The following TRAPPC9 variants were observed in gnomAD, a reference collection of about 807,000 sequenced individuals.
TRAPPC9 encodes the protein IKK2 binding protein.
TRAPPC9 carries 83 observed loss-of-function variants against 124.0 expected under a neutral mutation model. That is an observed-to-expected ratio of 0.67 (90% confidence interval 0.56 to 0.80). The LOEUF is 0.80. TRAPPC9 is among the 30% of genes least tolerant of loss of function. The pLI is 0.00. For missense variants in TRAPPC9, 1,302 were observed against 1,508.3 expected (o/e 0.86, Z 2.27); for synonymous variants, 638 against 617.5 (o/e 1.03, Z -0.49).
intron 17 of TRAPPC9, among the ~76,000 whole-genome samples, chr8:140,027,973 A>G (rs1840260156): frequency 6.6e-6 from 1 of 152,216 alleles, no homozygotes; most frequent in East Asian, 1.9e-4. Context: ...GATTATGGGG[A>G]TTACAATTCA....
At chr8:139,757,080 A>T (rs550028393) in intron 21 of TRAPPC9, among the ~76,000 whole-genome samples, 360 of 132,202 alleles carry the variant, frequency 2.7e-3, no homozygotes, top group Non-Finnish European at 4.7e-3. Flanking sequence ...AGCAGGTCAC[A>T]GGAGGAGCCA....
intron 18 of TRAPPC9, among the ~76,000 whole-genome samples, chr8:139,997,812 A>AG (rs1838127503): frequency 2.8e-5 from 4 of 143,324 alleles, no homozygotes; most frequent in African/African-American, 1.1e-4. Flanking sequence ...CATCCTACAC[A>AG]GGGAGACAAT....
At chr8:139,925,004 G>A (rs1041377324) in intron 19 of TRAPPC9, among the ~76,000 whole-genome samples, 1 of 152,168 alleles carries the variant, frequency 6.6e-6, no homozygotes, top group Non-Finnish European at 1.5e-5. Context: ...CACCAGCTTC[G>A]TGTTCTCCAG....
Position 140,451,264 on chromosome 8 carries a change from C to T in TRAPPC9, c.110G>A (p.Arg37Lys). The change falls in exon 2 of 23, where the codon AGG becomes AAG. Residue 37 changes from arginine to lysine, a missense_variant. By Grantham distance (26) the Arg-to-Lys change is conservative (BLOSUM62 2). Around this residue, in one of 3 missense-constraint regions of TRAPPC9, gnomAD observed 657 missense variants for 811.2 expected, o/e 0.81. Coordinates refer to ENST00000438773, the MANE Select transcript of TRAPPC9 (RefSeq NM_001160372.4). ...GCTGATCTGACTCACAGAGCAAATC[C>T]TCTTATAGATCCTGAAGAAGTTCTC... ...SEENFFRIYKRICSVSQISVR... is the reference protein window; with the variant it reads ...SEENFFRIYKKICSVSQISVR... 1 of 1,613,206 alleles carries T rather than the reference C, an allele frequency of 6.2e-7. No individual in the cohort carries two copies. Among genetic ancestry groups the T allele is most frequent in the Non-Finnish European group, 8.5e-7 (1 of 1,180,034 alleles).
At position 139,815,970 on chromosome 8, in the gene TRAPPC9, G is replaced by A. The variant is rs544200211; in HGVS notation, c.3055+69909C>T. ...GTTAAGGAACCTGCATGAGGGACAC[G>A]GGCAGTGAGTGACGGAGCCAGGCTG... On this transcript the variant is annotated intron_variant, in intron 21 of 22. Coordinates refer to ENST00000438773, the MANE Select transcript of TRAPPC9 (RefSeq NM_001160372.4). 1.4e-4 allele frequency among the ~76,000 whole-genome samples: 21 copies of A among 152,336 alleles called. 1 individual carries two copies. In the South Asian group the frequency reaches 2.1e-3, roughly 15 times the overall value.
At chr8:140,234,773 T>C (rs2063691329) in intron 16 of TRAPPC9, among the ~76,000 whole-genome samples, 1 of 152,220 alleles carries the variant, frequency 6.6e-6, no homozygotes, top group Non-Finnish European at 1.5e-5. Context: ...GAGTACTTAA[T>C]ATGTGCCACA....
rs1554608008 is a variant in TRAPPC9 at position 140,018,324 on chromosome 8, A to ATTTT, written c.2699+5609_2699+5612dup. On this transcript the variant is annotated intron_variant, in intron 18 of 22. Transcript: ENST00000438773. ...TTGCTGGTATATAGAAACGTAAGTG[A>ATTTT]TTTTTTTTTTTTTTTTTGAGACGGA... Among the ~76,000 whole-genome samples the ATTTT allele has an allele frequency of 2.3e-4, 28 of 119,782 alleles. 3 individuals are homozygous for ATTTT. The highest frequency in any genetic ancestry group is 7.5e-4 in the African/African-American group (23 of 30,694). 78.6% of individuals were successfully genotyped at this position (119,782 alleles called of 152,430 possible).
chr8:140,033,672 T>TGTTTTGTTTTTTTTTTTTTTTTTTTTTTG, intron 17 of TRAPPC9, among the ~76,000 whole-genome samples: 1 of 94,216 alleles, frequency 1.1e-5, no homozygotes, highest in Non-Finnish European at 2.1e-5. Context: ...TTTTTTTTTT[T>TGTTTTGTTTTTTTTTTTTTTTTTTTTTTG]TTTTTTTTTT....
chr8:139,765,928 C>T (rs1332474727), intron 21 of TRAPPC9, among the ~76,000 whole-genome samples: 2 of 152,206 alleles, frequency 1.3e-5, no homozygotes, highest in African/African-American at 4.8e-5. Context: ...TAGGCTTCTC[C>T]CCCATCTGAC....
intron 21 of TRAPPC9, among the ~76,000 whole-genome samples, chr8:139,817,619 G>A (rs1333959125): frequency 1.3e-5 from 2 of 152,240 alleles, no homozygotes; most frequent in Admixed American, 6.5e-5. Context: ...CAGGCGCCAC[G>A]TGGCTGGTGA....
At chr8:139,867,361 T>C (rs1265297411) in intron 21 of TRAPPC9, among the ~76,000 whole-genome samples, 1 of 152,134 alleles carries the variant, frequency 6.6e-6, no homozygotes, top group East Asian at 1.9e-4. Flanking sequence ...AGCAATGAAT[T>C]TTAACCCAAT....
At chr8:139,944,258 T>C (rs1834078059) in intron 19 of TRAPPC9, among the ~76,000 whole-genome samples, 1 of 152,182 alleles carries the variant, frequency 6.6e-6, no homozygotes, top group Non-Finnish European at 1.5e-5. Context: ...GAGTACCAGA[T>C]GGAAATGAAA....
At chr8:139,784,962 G>T (rs889003255) in intron 21 of TRAPPC9, among the ~76,000 whole-genome samples, 1 of 152,090 alleles carries the variant, frequency 6.6e-6, no homozygotes, top group Non-Finnish European at 1.5e-5. Flanking sequence ...GCAAACTGAT[G>T]AGAAGATTCA....
intron 21 of TRAPPC9, among the ~76,000 whole-genome samples, chr8:139,837,273 C>T (rs963227201): frequency 1.6e-4 from 25 of 152,084 alleles, no homozygotes; most frequent in Admixed American, 1.6e-3. Flanking sequence ...TCTGTGACAC[C>T]CTGTCGAGGC....
chr8:139,890,911 G>A (rs187556209), intron 20 of TRAPPC9, among the ~76,000 whole-genome samples: 5 of 150,010 alleles, frequency 3.3e-5, no homozygotes, highest in Admixed American at 2.7e-4. Flanking sequence ...TCTGTGCCTG[G>A]GGACTGGCTC....
chr8:140,395,396 G>T (rs181709690), intron 7 of TRAPPC9, among the ~76,000 whole-genome samples: 30 of 152,268 alleles, frequency 2.0e-4, no homozygotes, highest in South Asian at 2.1e-4. Context: ...TTACAGAAGA[G>T]GGAACTGAGG....
chr8:140,058,804 G>A (rs1260611971), intron 17 of TRAPPC9, among the ~76,000 whole-genome samples: 1 of 152,164 alleles, frequency 6.6e-6, no homozygotes, highest in Non-Finnish European at 1.5e-5. Context: ...CTCCACATGG[G>A]CTCTGGCCAG....
chr8:139,899,218 C>T (rs1830866268), intron 20 of TRAPPC9, among the ~76,000 whole-genome samples: 1 of 151,496 alleles, frequency 6.6e-6, no homozygotes, highest in South Asian at 2.1e-4. Context: ...GGGGTGTCTA[C>T]CGCCTACACA....
At chr8:139,805,402 GGT>G (rs1823978803) in intron 21 of TRAPPC9, among the ~76,000 whole-genome samples, 1 of 152,240 alleles carries the variant, frequency 6.6e-6, no homozygotes, top group African/African-American at 2.4e-5. Flanking sequence ...ACACTCGGCA[GGT>G]GGGGACCTGC....
Sources: allele counts gnomAD v4.1 joint callset (sites outside exome capture counted in the v4.1 genomes callset), GRCh38; gene constraint gnomAD v4.1.1; regional missense constraint gnomAD v4.1.1; transcripts MANE v1.5; gene names NCBI Gene and HGNC (gene_info 2026-07-23, HGNC 2026-07-21).